The following FSTL4 variants were observed in gnomAD, a reference collection of about 807,000 sequenced individuals.
The protein encoded by FSTL4 is follistatin like 4.
Under a neutral mutation model 78.2 loss-of-function variants are expected in FSTL4, and 28 were observed. The ratio of observed to expected loss-of-function variants is 0.36; its 90% confidence interval spans 0.27 to 0.49. The LOEUF is 0.49. Ranked by LOEUF, FSTL4 falls within the 20% of genes least tolerant of loss-of-function variation. The pLI is 0.98. For missense variants in FSTL4, 922 were observed against 1,084.9 expected (o/e 0.85, Z 2.11); for synonymous variants, 422 against 440.5 (o/e 0.96, Z 0.53).
the FSTL4 span, among the ~76,000 whole-genome samples, chr5:133,629,877 C>T: frequency 1.3e-5 from 2 of 152,200 alleles, no homozygotes; most frequent in African/African-American, 4.8e-5. Flanking sequence ...ATCACATGAA[C>T]AGAACCAATG....
intron 3 of FSTL4, among the ~76,000 whole-genome samples, chr5:133,401,676 T>G (rs1246646680): frequency 1.3e-5 from 2 of 152,150 alleles, no homozygotes; most frequent in African/African-American, 4.8e-5. Context: ...GAGCTAAGTT[T>G]GGAAGAAGTA....
the FSTL4 span, among the ~76,000 whole-genome samples, chr5:133,686,570 A>G: frequency 6.6e-6 from 1 of 152,222 alleles, no homozygotes; most frequent in Non-Finnish European, 1.5e-5. Flanking sequence ...ACTGACGTGT[A>G]TGCCCATGTC....
At chr5:133,658,653 C>A in the FSTL4 span, among the ~76,000 whole-genome samples, 1 of 152,012 alleles carries the variant, frequency 6.6e-6, no homozygotes, top group African/African-American at 2.4e-5. Context: ...TTCTTATTTA[C>A]GTTTTTCTTG....
intron 3 of FSTL4, among the ~76,000 whole-genome samples, chr5:133,408,786 G>T (rs1023954985): frequency 6.6e-6 from 1 of 152,156 alleles, no homozygotes; most frequent in African/African-American, 2.4e-5. Flanking sequence ...TGGTCCTTAC[G>T]GGATTGCCCC....
At chr5:133,654,380 A>G in the FSTL4 span, among the ~76,000 whole-genome samples, 1 of 152,224 alleles carries the variant, frequency 6.6e-6, no homozygotes, top group Non-Finnish European at 1.5e-5. Context: ...CAAAGCCACC[A>G]AGGCATGAAA....
intron 4 of FSTL4, among the ~76,000 whole-genome samples, chr5:133,339,651 G>A (rs1209597431): frequency 2.0e-5 from 3 of 152,178 alleles, no homozygotes; most frequent in Non-Finnish European, 4.4e-5. Flanking sequence ...AGACATGCAT[G>A]GCCTCTAAGT....
At chr5:133,575,718 G>T (rs1760262118) in intron 2 of FSTL4, among the ~76,000 whole-genome samples, 1 of 152,192 alleles carries the variant, frequency 6.6e-6, no homozygotes, top group Admixed American at 6.5e-5. Flanking sequence ...CAAGGCCCTG[G>T]ATGCATTGTC....
At chr5:133,498,687 C>A (rs1580747742) in intron 3 of FSTL4, among the ~76,000 whole-genome samples, 1 of 150,420 alleles carries the variant, frequency 6.6e-6, no homozygotes, top group African/African-American at 2.5e-5. Context: ...CACCACACTC[C>A]AGCCTAGGTG....
chr5:133,331,102 G>A (rs1325474840), intron 4 of FSTL4, among the ~76,000 whole-genome samples: 3 of 152,172 alleles, frequency 2.0e-5, no homozygotes, highest in Admixed American at 1.3e-4. Context: ...GTGCACTGGG[G>A]TAGAGACAGC....
chr5:133,787,115 A>T, the FSTL4 span, among the ~76,000 whole-genome samples: 1 of 152,166 alleles, frequency 6.6e-6, no homozygotes, highest in Non-Finnish European at 1.5e-5. Context: ...TTCAATAACC[A>T]ATCAGCAAGC....
chr5:133,697,266 G>A, the FSTL4 span, among the ~76,000 whole-genome samples: 2 of 152,146 alleles, frequency 1.3e-5, no homozygotes, highest in Non-Finnish European at 2.9e-5. Flanking sequence ...GGAAGGACTC[G>A]GTGGGGCTAC....
intron 11 of FSTL4, 79 bp from the exon 12 acceptor site, chr5:133,220,945 A>G (rs1256720098): frequency 1.2e-6 from 1 of 846,446 alleles, no homozygotes; most frequent in South Asian, 1.3e-5. Flanking sequence ...TTGAACACAC[A>G]AGAAACCGGC....
chr5:133,199,481 C>G lies in FSTL4; in HGVS notation c.2143G>C (p.Glu715Gln). The G allele has an allele frequency of 1.2e-6, 2 of 1,614,222 alleles. No homozygotes were observed. Among genetic ancestry groups the G allele is most frequent in the Non-Finnish European group, 1.7e-6 (2 of 1,180,038 alleles). Residue 715 changes from glutamate to glutamine, a missense_variant, in exon 16 of 16, where the codon GAG (glutamate) becomes CAG (glutamine). Physicochemically the swap from Glu to Gln is conservative, Grantham distance 29. Transcript: ENST00000265342. The surrounding 1 kb of genome is among the most constrained non-coding windows in gnomAD (Gnocchi z 4.4). ...TGGATCTCGCCCCGCACTGTGATCT[C>G]CTGCACGTGCAGCCAGGGGCTGTCA... Reference protein sequence around the residue: ...AADSPWLHVQEITVRGEIQTL... With the variant: ...AADSPWLHVQQITVRGEIQTL...
intron 11 of FSTL4, among the ~76,000 whole-genome samples, chr5:133,222,968 C>G (rs1031072280): frequency 1.3e-5 from 2 of 152,188 alleles, no homozygotes; most frequent in South Asian, 4.1e-4. Context: ...GTTCAATATA[C>G]CTACCAACCC....
intron 6 of FSTL4, among the ~76,000 whole-genome samples, chr5:133,273,928 T>C (rs1041266229): frequency 2.0e-5 from 3 of 152,178 alleles, no homozygotes; most frequent in African/African-American, 4.8e-5. Flanking sequence ...GAGACTAGCC[T>C]GATTACTGAG....
intron 14 of FSTL4, among the ~76,000 whole-genome samples, chr5:133,206,493 C>T (rs1345959725): frequency 6.6e-6 from 1 of 152,138 alleles, no homozygotes; most frequent in East Asian, 1.9e-4. Context: ...TCCTGAGTCG[C>T]TGGGATTACA....
At chr5:133,678,276 CAGAA>C in the FSTL4 span, among the ~76,000 whole-genome samples, 1 of 152,058 alleles carries the variant, frequency 6.6e-6, no homozygotes, top group Admixed American at 6.6e-5. Context: ...TCTAGGGAGA[CAGAA>C]AGAGAGACCA....
At chr5:133,579,596 G>C (rs1407539583) in intron 2 of FSTL4, among the ~76,000 whole-genome samples, 1 of 152,130 alleles carries the variant, frequency 6.6e-6, no homozygotes, top group Non-Finnish European at 1.5e-5. Flanking sequence ...GGGGGAAGGA[G>C]TTCATGTTTA....
chr5:133,295,354 C>T (rs1428440699), intron 6 of FSTL4, among the ~76,000 whole-genome samples: 2 of 152,158 alleles, frequency 1.3e-5, no homozygotes, highest in Non-Finnish European at 2.9e-5. Context: ...CTCGCCTACT[C>T]AAAGAAGTCA....
Sources: allele counts gnomAD v4.1 joint callset (sites outside exome capture counted in the v4.1 genomes callset), GRCh38; gene constraint gnomAD v4.1.1; non-coding constraint Gnocchi (gnomAD v3.1); transcripts MANE v1.5; gene names NCBI Gene and HGNC (gene_info 2026-07-23, HGNC 2026-07-21).